CACNA2D1: variants seen among roughly 807,000 people sequenced by gnomAD.
The protein encoded by CACNA2D1 is voltage-dependent calcium channel subunit alpha-2/delta-1.
Under a neutral mutation model 171.5 loss-of-function variants are expected in CACNA2D1, and 53 were observed. That is an observed-to-expected ratio of 0.31 (90% CI 0.25 to 0.39). The LOEUF (loss-of-function observed/expected upper bound fraction) is 0.39, where lower values mean the gene tolerates loss of function less well. Among genes scored for constraint, CACNA2D1 ranks in the 10% least tolerant of loss-of-function variants. The pLI, the probability that CACNA2D1 is intolerant of heterozygous loss-of-function variation, is 1.00. For missense variants in CACNA2D1, 903 were observed against 1,299.8 expected, an observed-to-expected ratio of 0.69 and a Z score of 4.69; for synonymous variants, 442 against 443.1, an observed-to-expected ratio of 1.00 and a Z score of 0.03.
In CACNA2D1 at chr7:81,982,439, A is replaced by G. The variant is rs534443503; in HGVS notation, c.1955+128T>C. ...AATAAAGATTTTGTTTCAGTTTTAA[A>G]GTAATTATTTCCTTTGATTCCATAA... On this transcript the variant is annotated intron_variant, in intron 24 of 38. Coordinates refer to ENST00000356860, the MANE Select transcript of CACNA2D1 (RefSeq NM_000722.4). The G allele has an allele frequency of 7.1e-5, 49 of 691,706 alleles. 1 individual carries two copies. The South Asian group carries it at 7.5e-4, about 11-fold the overall frequency. 42.8% of individuals were successfully genotyped at this position (691,706 alleles called of 1,614,324 possible).
intron 7 of CACNA2D1, among the ~76,000 whole-genome samples, chr7:82,069,781 C>T (rs1202736904): frequency 6.6e-6 from 1 of 151,372 alleles, no homozygotes; most frequent in Non-Finnish European, 1.5e-5. Context: ...CTGATTCTCT[C>T]GGTAGAAACA....
intron 3 of CACNA2D1, among the ~76,000 whole-genome samples, chr7:82,196,961 T>C (rs1798917037): frequency 6.6e-6 from 1 of 152,048 alleles, no homozygotes; most frequent in African/African-American, 2.4e-5. Flanking sequence ...ATAAATAGAT[T>C]TTACACTCTT....
At chr7:82,303,212 T>G (rs756856752) in intron 3 of CACNA2D1, among the ~76,000 whole-genome samples, 1 of 152,048 alleles carries the variant, frequency 6.6e-6, no homozygotes, top group African/African-American at 2.4e-5. Context: ...TTAGCCAGGA[T>G]GGTCTCTATC....
chr7:82,377,195 C>T (rs1823117441), intron 1 of CACNA2D1, among the ~76,000 whole-genome samples: 1 of 152,166 alleles, frequency 6.6e-6, no homozygotes, highest in African/African-American at 2.4e-5. Context: ...GTCATACAGT[C>T]AGCTTTTAAA....
intron 3 of CACNA2D1, among the ~76,000 whole-genome samples, chr7:82,175,618 A>C (rs925781413): frequency 2.6e-5 from 4 of 152,076 alleles, no homozygotes; most frequent in Admixed American, 6.6e-5. Flanking sequence ...GTTCGAAAGA[A>C]AAGCCTACAG....
chr7:82,012,217 T>C lies in CACNA2D1; in HGVS notation c.1299A>G (p.Pro433=). Residue 433 remains proline (P), a synonymous_variant, in exon 15 of 39, where the codon CCA becomes CCG. Coordinates refer to ENST00000356860, the MANE Select transcript of CACNA2D1 (RefSeq NM_000722.4). ...TQEYLDVLGR[P]MVLAGDKAKQ... ...TAGCTTTGTCTCCTGCTAAAACCATTGGTCTTCCCAAAACATCCAAATATT... is the reference window on the plus strand; with the variant it reads ...TAGCTTTGTCTCCTGCTAAAACCATCGGTCTTCCCAAAACATCCAAATATT... 6.2e-7 allele frequency: 1 copy of C among 1,605,546 alleles called. No homozygotes were observed. The highest frequency in any genetic ancestry group is 8.5e-7 in the Non-Finnish European group (1 of 1,173,860).
At chr7:82,136,045 C>T (rs1357801552) in intron 5 of CACNA2D1, among the ~76,000 whole-genome samples, 3 of 152,080 alleles carry the variant, frequency 2.0e-5, no homozygotes, top group Non-Finnish European at 4.4e-5. Flanking sequence ...AATGTCTATC[C>T]AGATGTAGCA....
At chr7:82,126,796 A>G (rs1790378773) in intron 5 of CACNA2D1, among the ~76,000 whole-genome samples, 1 of 152,170 alleles carries the variant, frequency 6.6e-6, no homozygotes, top group African/African-American at 2.4e-5. Context: ...CATGCTATAT[A>G]AACCTCCAAT....
chr7:82,363,875 C>T (rs979279981), intron 1 of CACNA2D1, among the ~76,000 whole-genome samples: 9 of 152,116 alleles, frequency 5.9e-5, no homozygotes, highest in African/African-American at 2.2e-4. Flanking sequence ...AATCAATAGC[C>T]AGTGTCCAAG....
chr7:82,257,652 C>T (rs554538469), intron 3 of CACNA2D1, among the ~76,000 whole-genome samples: 1 of 152,184 alleles, frequency 6.6e-6, no homozygotes, highest in Non-Finnish European at 1.5e-5. Flanking sequence ...AAACATCTCT[C>T]CTCCTTTTGT....
chr7:82,042,317 C>T (rs181401680), intron 10 of CACNA2D1, among the ~76,000 whole-genome samples: 11 of 152,170 alleles, frequency 7.2e-5, no homozygotes, highest in East Asian at 3.9e-4. Context: ...TTTGATAACA[C>T]GTGCCTACAT....
chr7:81,964,261 T>C lies in CACNA2D1; in HGVS notation c.2673A>G (p.Val891=), dbSNP rs142553634. The change falls in exon 33 of 39, where the codon GTA becomes GTG. Residue 891 remains valine (V), a synonymous_variant. Transcript: ENST00000356860. Reference sequence around the variant, plus strand: ...GTTTTGGTGCAGCACCGGGCTCACATACTGACTGATAATCATAAGATTTGT... The same window carrying C: ...GTTTTGGTGCAGCACCGGGCTCACACACTGACTGATAATCATAAGATTTGT... The part of the protein sequence containing the change: ...AFNKSYDYQS[V]CEPGAAPKQG... 2.7e-4 allele frequency: 440 copies of C among 1,612,814 alleles called. 2 individuals are homozygous for C. In the African/African-American group the frequency reaches 5.2e-3, roughly 19 times the overall value.
chr7:81,960,928 T>C (rs1330613775), intron 36 of CACNA2D1, among the ~76,000 whole-genome samples: 1 of 152,050 alleles, frequency 6.6e-6, no homozygotes, highest in Non-Finnish European at 1.5e-5. Context: ...CCTCTTTATA[T>C]ACTCTACCTC....
At chr7:82,269,107 T>C (rs761658851) in intron 3 of CACNA2D1, among the ~76,000 whole-genome samples, 2 of 152,190 alleles carry the variant, frequency 1.3e-5, no homozygotes, top group Non-Finnish European at 2.9e-5. Flanking sequence ...GACCTACACA[T>C]AGTCCCTCTT....
upstream of CACNA2D1, chr7:82,443,826 A>AGGCGGT: frequency 2.1e-6 from 1 of 468,404 alleles, no homozygotes; most frequent in Non-Finnish European, 2.9e-6. Flanking sequence ...GCCGAGGCGA[A>AGGCGGT]GGCGGAGGCG....
intron 3 of CACNA2D1, among the ~76,000 whole-genome samples, chr7:82,300,097 G>T (rs1812818055): frequency 6.6e-6 from 1 of 152,108 alleles, no homozygotes; most frequent in Non-Finnish European, 1.5e-5. Flanking sequence ...ATAGGGGTGG[G>T]TGTCTGATTT....
chr7:82,404,866 G>C (rs1159671781), intron 1 of CACNA2D1, among the ~76,000 whole-genome samples: 1 of 152,180 alleles, frequency 6.6e-6, no homozygotes, highest in Non-Finnish European at 1.5e-5. Context: ...TTTAGGGTTA[G>C]GTTTCAGCAT....
intron 25 of CACNA2D1, among the ~76,000 whole-genome samples, chr7:81,973,906 G>A (rs1203811270): frequency 6.6e-6 from 1 of 151,844 alleles, no homozygotes; most frequent in Non-Finnish European, 1.5e-5. Flanking sequence ...ATTTTCTGTT[G>A]TCTATTTTAA....
chr7:82,162,684 C>A (rs1485571764), intron 4 of CACNA2D1, among the ~76,000 whole-genome samples: 1 of 151,940 alleles, frequency 6.6e-6, no homozygotes, highest in Non-Finnish European at 1.5e-5. Flanking sequence ...CTTCTTTCTA[C>A]TTAGAGACAT....
Sources: gnomAD v4.1 joint callset for allele counts (sites outside exome capture counted in the v4.1 genomes callset) on GRCh38, gnomAD v4.1.1 for gene constraint, MANE v1.5 for transcripts, NCBI Gene and HGNC (gene_info 2026-07-23, HGNC 2026-07-21) for gene names.